The following TOR1AIP2 variants were observed in gnomAD, a reference collection of about 807,000 sequenced individuals.
TOR1AIP2 encodes torsin-1A-interacting protein 2.
Under a neutral mutation model 32.6 loss-of-function variants are expected in TOR1AIP2, and 20 were observed. That is an observed-to-expected ratio of 0.61 (90% CI 0.43 to 0.89). The LOEUF (loss-of-function observed/expected upper bound fraction) is 0.89, where lower values mean the gene tolerates loss of function less well. Ranked by LOEUF, TOR1AIP2 falls within the 40% of genes least tolerant of loss-of-function variation. The pLI is 0.00. For synonymous variants in TOR1AIP2, 214 were observed against 210.8 expected (o/e 1.02, Z -0.13); for missense variants, 456 against 553.8 (o/e 0.82, Z 1.77).
chr1:179,856,358 C>G (rs1377799908), intron 3 of TOR1AIP2, among the ~76,000 whole-genome samples: 1 of 152,176 alleles, frequency 6.6e-6, no homozygotes, highest in Non-Finnish European at 1.5e-5. Flanking sequence ...CCAAAAGAAT[C>G]TGCAAAGGTG....
intron 2 of TOR1AIP2, among the ~76,000 whole-genome samples, 164 bp downstream of exon 2, chr1:179,877,075 C>T (rs1455319241): frequency 6.6e-6 from 1 of 151,862 alleles, no homozygotes; most frequent in East Asian, 1.9e-4. Flanking sequence ...GTAATCGCCG[C>T]CTACACTAGT....
Position 179,865,721 on chromosome 1 carries a change from T to C in TOR1AIP2, c.-432A>G, listed in dbSNP as rs1311069557. On this transcript the variant is annotated 5_prime_UTR_variant, in exon 3 of 7. The change abolishes the stop of an existing upstream ORF in the 5' untranslated region. Transcript: ENST00000609928. ...GGCACTTTATAGCAATGTAGAGGGG[T>C]CAGAAAAACCTGGCAGAGTCCTCTT... 2 of 152,864 alleles carry C rather than the reference T, an allele frequency of 1.3e-5. No individual in the cohort carries two copies. The highest frequency in any genetic ancestry group is 6.5e-5 in the Admixed American group (1 of 15,280). 9.5% of individuals were successfully genotyped at this position (152,864 alleles called of 1,614,324 possible).
chr1:179,870,412 AT>A (rs199594631), intron 2 of TOR1AIP2, among the ~76,000 whole-genome samples: 28 of 150,988 alleles, frequency 1.9e-4, no homozygotes, highest in African/African-American at 1.7e-4. Flanking sequence ...AAAAAAAAAA[AT>A]TTTTTTTACA....
chr1:179,871,681 T>C (rs1202478022), intron 2 of TOR1AIP2, among the ~76,000 whole-genome samples: 1 of 152,220 alleles, frequency 6.6e-6, no homozygotes, highest in Non-Finnish European at 1.5e-5. Flanking sequence ...AAAGTATAAA[T>C]GCTTTAAACT....
chr1:179,869,396 T>G (rs1456911239), intron 2 of TOR1AIP2, among the ~76,000 whole-genome samples: 1 of 152,226 alleles, frequency 6.6e-6, no homozygotes, highest in Non-Finnish European at 1.5e-5. Context: ...CAAAGATAAT[T>G]GTAATTTTGT....
At chr1:179,864,371 T>G in intron 3 of TOR1AIP2, 1 of 990,808 alleles carries the variant, frequency 1.0e-6, no homozygotes, top group African/African-American at 1.7e-5. Flanking sequence ...TAATCTAGGA[T>G]CCAGCTATAA....
intron 3 of TOR1AIP2, chr1:179,859,826 GT>G (rs776250123): frequency 1.0e-6 from 1 of 985,218 alleles, no homozygotes; most frequent in Non-Finnish European, 1.2e-6. Flanking sequence ...GATTTAAGAA[GT>G]TTTTTGTTTT....
At chr1:179,861,842 G>A (rs1160557571) in intron 3 of TOR1AIP2, 2 of 957,618 alleles carry the variant, frequency 2.1e-6, no homozygotes, top group Admixed American at 1.2e-4. Context: ...AATCTCCAAA[G>A]GTACTATTTA....
chr1:179,852,584 C>T (rs368052309), intron 4 of TOR1AIP2, 48 bp downstream of exon 4: 23 of 1,602,200 alleles, frequency 1.4e-5, no homozygotes, highest in Non-Finnish European at 2.0e-5. Context: ...TCTGCACACC[C>T]CTGGTTTCCT....
chr1:179,863,877 A>G (rs947442899), intron 3 of TOR1AIP2: 154 of 985,310 alleles, frequency 1.6e-4, no homozygotes, highest in Non-Finnish European at 1.8e-4. Context: ...CTCTGGGTCC[A>G]TGATTTTCAT....
chr1:179,866,424 C>A (rs138003904), intron 2 of TOR1AIP2, among the ~76,000 whole-genome samples: 81 of 149,496 alleles, frequency 5.4e-4, no homozygotes, highest in Admixed American at 1.7e-3. Context: ...GTTTTTTTTT[C>A]TTTTTGAGAC....
At chr1:179,869,509 G>GT (rs1374138650) in intron 2 of TOR1AIP2, among the ~76,000 whole-genome samples, 1 of 152,154 alleles carries the variant, frequency 6.6e-6, no homozygotes, top group Non-Finnish European at 1.5e-5. Flanking sequence ...AAGAGAAAGA[G>GT]GTTAATAAGC....
At chr1:179,873,116 G>A (rs1697072950) in intron 2 of TOR1AIP2, among the ~76,000 whole-genome samples, 2 of 152,224 alleles carry the variant, frequency 1.3e-5, no homozygotes, top group East Asian at 1.9e-4. Flanking sequence ...GTCTTTACCT[G>A]TCATTTGTGA....
rs987357511 is a variant in TOR1AIP2 at position 179,870,568 on chromosome 1, T to TC, written c.-565-4715dup. On this transcript the variant is annotated intron_variant, in intron 2 of 6. Transcript: ENST00000609928. Reference sequence around the variant, plus strand: ...TTTTTTCCAATCCCACCCCTCCTCCTCCATTTTGGAAAGATGTCCAAACAA... The same window carrying TC: ...TTTTTTCCAATCCCACCCCTCCTCCTCCCATTTTGGAAAGATGTCCAAACAA... 1.3e-4 allele frequency among the ~76,000 whole-genome samples: 19 copies of TC among 150,876 alleles called. 2 individuals are homozygous for TC. The highest frequency in any genetic ancestry group is 1.2e-3 in the Admixed American group (18 of 15,150).
At chr1:179,863,677 CA>C (rs904854823) in intron 3 of TOR1AIP2, 125,217 of 803,282 alleles carry the variant, frequency 0.16, 4 homozygotes, top group South Asian at 0.18. Context: ...TTTTAAAAAG[CA>C]AAAAAAAAAA....
At chr1:179,864,420 C>T in intron 3 of TOR1AIP2, 1 of 998,476 alleles carries the variant, frequency 1.0e-6, no homozygotes, top group Non-Finnish European at 1.2e-6. Flanking sequence ...TTAGAAATAC[C>T]ACTATGAAGC....
rs1019223378 is a variant in TOR1AIP2 at position 179,844,965 on chromosome 1, G to A, written c.*1106C>T. The A allele has an allele frequency of 3.3e-5, 5 of 152,136 alleles. No homozygotes were observed. The highest frequency in any genetic ancestry group is 7.4e-5 in the Non-Finnish European group (5 of 68,006). 9.4% of individuals were successfully genotyped at this position (152,136 alleles called of 1,614,324 possible). ...AGACAAGTATAAAATTCCATGCAGA[G>A]GGGACAGAAATGACGATTAACAGAA... On this transcript the variant is annotated 3_prime_UTR_variant, in exon 7 of 7. Transcript: ENST00000609928.
chr1:179,862,650 C>T (rs1257191032), intron 3 of TOR1AIP2: 2 of 985,318 alleles, frequency 2.0e-6, no homozygotes, highest in African/African-American at 3.5e-5. Context: ...GAGCCCTGGT[C>T]AGGCACGGTG....
intron 3 of TOR1AIP2, among the ~76,000 whole-genome samples, chr1:179,854,412 T>C (rs1384659225): frequency 6.6e-6 from 1 of 152,190 alleles, no homozygotes; most frequent in Non-Finnish European, 1.5e-5. Context: ...ATCTACAAAT[T>C]TAATGCAATT....
Sources: gnomAD v4.1 joint callset for allele counts (sites outside exome capture counted in the v4.1 genomes callset) on GRCh38, gnomAD v4.1.1 for gene constraint, MANE v1.5 for transcripts, NCBI Gene and HGNC (gene_info 2026-07-23, HGNC 2026-07-21) for gene names.